The following TMEFF2 variants were observed in gnomAD, a reference collection of about 807,000 sequenced individuals.
The protein encoded by TMEFF2 is tomoregulin-2.
A neutral mutation model predicts 53.8 loss-of-function variants in TMEFF2; 28 were observed. The observed-to-expected ratio is 0.52, with a 90% CI of 0.39 to 0.71. The LOEUF (loss-of-function observed/expected upper bound fraction) is 0.71, where lower values mean the gene tolerates loss of function less well. Among genes scored for constraint, TMEFF2 ranks in the 30% least tolerant of loss-of-function variants. TMEFF2 has a pLI of 0.00. For missense variants in TMEFF2, 353 were observed against 455.2 expected (o/e 0.78, Z 2.04); for synonymous variants, 162 against 166.3 (o/e 0.97, Z 0.20).
At chr2:192,085,378 TATCA>T (rs1258105356) in intron 4 of TMEFF2, among the ~76,000 whole-genome samples, 1 of 151,954 alleles carries the variant, frequency 6.6e-6, no homozygotes, top group African/African-American at 2.4e-5. Flanking sequence ...ATAAACAAGG[TATCA>T]GGGCTTTACT....
intron 4 of TMEFF2, among the ~76,000 whole-genome samples, chr2:192,161,317 A>T (rs1174439034): frequency 6.6e-6 from 1 of 151,882 alleles, no homozygotes; most frequent in African/African-American, 2.4e-5. Context: ...CACCATGCAG[A>T]GCTAATTTTT....
intron 2 of TMEFF2, among the ~76,000 whole-genome samples, chr2:192,189,749 A>T (rs1341559377): frequency 6.6e-6 from 1 of 152,038 alleles, no homozygotes; most frequent in East Asian, 1.9e-4. Context: ...TCTTAGCTTA[A>T]AATATCCTAT....
At chr2:192,187,824 T>C (rs924330444) in intron 2 of TMEFF2, among the ~76,000 whole-genome samples, 2 of 152,252 alleles carry the variant, frequency 1.3e-5, no homozygotes, top group East Asian at 3.8e-4. Context: ...CTAGAATGCA[T>C]GAAATTCATT....
chr2:192,055,700 G>A (rs1459423072), intron 5 of TMEFF2, among the ~76,000 whole-genome samples: 4 of 149,748 alleles, frequency 2.7e-5, no homozygotes, highest in Admixed American at 6.7e-5. Context: ...TCTTGAACCC[G>A]GGAGGCGGAG....
intron 8 of TMEFF2, among the ~76,000 whole-genome samples, chr2:191,955,168 AG>A (rs1692033250): frequency 1.7e-5 from 2 of 117,076 alleles, no homozygotes; most frequent in African/African-American, 6.6e-5. Context: ...AGAGTGGGAG[AG>A]AGAGGGAGAG....
In TMEFF2 at chr2:192,107,862, A is replaced by G. The variant is rs189979848; in HGVS notation, c.440-50087T>C. Among the ~76,000 whole-genome samples the G allele has an allele frequency of 5.7e-3, 859 of 151,928 alleles. 5 individuals carry two copies. Among genetic ancestry groups the G allele is most frequent in the Middle Eastern group, 0.02 (6 of 294 alleles). ...AAGAAATCACAAGGCAAAATGGGAA[A>G]TTAAAAGGTCATCCTATTCATCCTC... On this transcript the variant is annotated intron_variant, in intron 4 of 9. Transcript: ENST00000272771.
intron 4 of TMEFF2, among the ~76,000 whole-genome samples, chr2:192,157,950 G>T (rs1196911640): frequency 6.6e-6 from 1 of 151,890 alleles, no homozygotes; most frequent in African/African-American, 2.4e-5. Context: ...ATCTCAAATG[G>T]CCTTTTCCTT....
At chr2:191,958,202 G>T (rs1179326338) in intron 7 of TMEFF2, among the ~76,000 whole-genome samples, 2 of 152,104 alleles carry the variant, frequency 1.3e-5, no homozygotes, top group African/African-American at 4.8e-5. Flanking sequence ...TAGCAGTGGG[G>T]TTTGCCAGTC....
chr2:192,056,009 G>A (rs1365171639), intron 5 of TMEFF2, among the ~76,000 whole-genome samples: 2 of 152,038 alleles, frequency 1.3e-5, no homozygotes, highest in Non-Finnish European at 2.9e-5. Context: ...TTGTAAGTAC[G>A]TAGTTTACCC....
At chr2:191,977,009 A>C (rs1685745111) in intron 7 of TMEFF2, among the ~76,000 whole-genome samples, 1 of 152,224 alleles carries the variant, frequency 6.6e-6, no homozygotes, top group South Asian at 2.1e-4. Flanking sequence ...TGAGTAAAAG[A>C]GTTTTAAATG....
intron 7 of TMEFF2, among the ~76,000 whole-genome samples, chr2:191,986,336 C>T (rs1331835690): frequency 6.6e-6 from 1 of 152,048 alleles, no homozygotes; most frequent in Non-Finnish European, 1.5e-5. Context: ...TGGCTTTGAA[C>T]AGAAGAAAAG....
At chr2:192,035,096 C>CA (rs1312133799) in intron 5 of TMEFF2, 1 of 152,176 alleles carries the variant, frequency 6.6e-6, no homozygotes, top group Non-Finnish European at 1.5e-5. Context: ...TTGAGAGCAT[C>CA]AGGCAGGGTA....
chr2:192,156,873 C>G (rs2106006599), intron 4 of TMEFF2, among the ~76,000 whole-genome samples: 1 of 152,054 alleles, frequency 6.6e-6, no homozygotes, highest in African/African-American at 2.4e-5. Context: ...CTAAACTGTT[C>G]CTTTTAGAGA....
intron 9 of TMEFF2, among the ~76,000 whole-genome samples, chr2:191,950,635 G>A (rs1433276975): frequency 6.6e-6 from 1 of 151,938 alleles, no homozygotes; most frequent in Non-Finnish European, 1.5e-5. Flanking sequence ...AAGTTGAAGA[G>A]GAAGACATTT....
chr2:192,093,722 T>G (rs16834171), intron 4 of TMEFF2, among the ~76,000 whole-genome samples: 8,129 of 152,078 alleles, frequency 0.053, 719 homozygotes, highest in African/African-American at 0.18. Context: ...TTGCCACTTC[T>G]AGATCCACTG....
intron 4 of TMEFF2, among the ~76,000 whole-genome samples, chr2:192,132,541 A>T (rs1468777885): frequency 6.6e-6 from 1 of 151,830 alleles, no homozygotes; most frequent in African/African-American, 2.4e-5. Flanking sequence ...AATTAACCTC[A>T]CCTTCAAGGT....
intron 4 of TMEFF2, among the ~76,000 whole-genome samples, chr2:192,121,819 G>A (rs1689560654): frequency 6.6e-6 from 1 of 152,050 alleles, no homozygotes; most frequent in Admixed American, 6.6e-5. Context: ...CTGCCTGTAG[G>A]AAACAACAAG....
In TMEFF2 at chr2:191,966,022, C is replaced by T. The variant is rs189038570; in HGVS notation, c.746-9644G>A. ...AAAAAAAACTTGCGTAGTCTCTGTACGTAGCACAGAACATAGCACAAGATG... is the reference window on the plus strand; with the variant it reads ...AAAAAAAACTTGCGTAGTCTCTGTATGTAGCACAGAACATAGCACAAGATG... On this transcript the variant is annotated intron_variant, in intron 7 of 9. Coordinates refer to ENST00000272771, the MANE Select transcript of TMEFF2 (RefSeq NM_016192.4). 4.6e-5 allele frequency among the ~76,000 whole-genome samples: 7 copies of T among 151,246 alleles called. No individual in the cohort carries two copies. In the East Asian group the frequency reaches 5.8e-4, roughly 13 times the overall value.
At chr2:191,971,145 C>T (rs1692628268) in intron 7 of TMEFF2, among the ~76,000 whole-genome samples, 1 of 152,110 alleles carries the variant, frequency 6.6e-6, no homozygotes, top group South Asian at 2.1e-4. Flanking sequence ...CAATGTGAGT[C>T]TAAACAGTTT....
Sources: gnomAD v4.1 joint callset for allele counts (sites outside exome capture counted in the v4.1 genomes callset) on GRCh38, gnomAD v4.1.1 for gene constraint, MANE v1.5 for transcripts, NCBI Gene and HGNC (gene_info 2026-07-23, HGNC 2026-07-21) for gene names.